Variants in LUZP2 observed in about 807,000 individuals in gnomAD.
LUZP2 encodes leucine zipper protein 2.
Under a neutral mutation model 51.6 loss-of-function variants are expected in LUZP2, and 52 were observed. That is an observed-to-expected ratio of 1.01 (90% confidence interval 0.81 to 1.27). The LOEUF (loss-of-function observed/expected upper bound fraction) is 1.27. LUZP2 is among the 50% of genes most tolerant of loss of function. LUZP2 has a pLI of 0.00. For missense variants in LUZP2, 436 were observed against 395.4 expected, an observed-to-expected ratio of 1.10 and a Z score of -0.87; for synonymous variants, 154 against 137.3, an observed-to-expected ratio of 1.12 and a Z score of -0.85.
At chr11:24,865,746 A>G (rs931848260) in intron 5 of LUZP2, among the ~76,000 whole-genome samples, 1 of 147,704 alleles carries the variant, frequency 6.8e-6, no homozygotes, top group African/African-American at 2.6e-5. Context: ...GTGTGTGTGT[A>G]TATATATTTA....
In LUZP2 at chr11:24,732,163, C is replaced by T; in HGVS notation, c.226C>T (p.Leu76Phe). 1 of 1,609,376 alleles carries T rather than the reference C, an allele frequency of 6.2e-7. No individual in the cohort carries two copies. The highest frequency in any genetic ancestry group is 1.1e-5 in the South Asian group (1 of 90,666). ...GTCTGCCAAAACTGATGTTCAGAAA[C>T]TTCTGGAATTAGGACAGAAACAAAG... Reference protein sequence around the residue: ...EQSAKTDVQKLLELGQKQREE... With the variant: ...EQSAKTDVQKFLELGQKQREE... The change falls in exon 3 of 12, where the codon CTT becomes TTT. Residue 76 changes from leucine to phenylalanine, a missense_variant. By Grantham distance (22) the Leu-to-Phe change is conservative. Coordinates refer to ENST00000336930, the MANE Select transcript of LUZP2 (RefSeq NM_001009909.4).
intron 1 of LUZP2, among the ~76,000 whole-genome samples, chr11:24,625,368 A>AAAGG (rs1287141460): frequency 6.6e-6 from 1 of 151,760 alleles, no homozygotes; most frequent in Non-Finnish European, 1.5e-5. Flanking sequence ...AAGGGAAAGG[A>AAAGG]AAGGAAGGAA....
At chr11:24,964,581 A>G (rs975233009) in intron 7 of LUZP2, among the ~76,000 whole-genome samples, 11 of 152,144 alleles carry the variant, frequency 7.2e-5, no homozygotes, top group African/African-American at 2.7e-4. Context: ...CAATCAGATA[A>G]TCTTCACTTC....
chr11:24,587,066 A>G lies in LUZP2; in HGVS notation c.62+89761A>G, dbSNP rs114025327. Among the ~76,000 whole-genome samples the G allele has an allele frequency of 4.7e-4, 71 of 152,266 alleles. 1 individual carries two copies. Among genetic ancestry groups the G allele is most frequent in the African/African-American group, 1.6e-3 (66 of 41,572 alleles). ...TGTAACACAAACAATTTTTATTATG[A>G]CTACTTTCCTTGCAGAAAATTGGCT... On this transcript the variant is annotated intron_variant, in intron 1 of 11. Transcript: ENST00000336930.
intron 1 of LUZP2, among the ~76,000 whole-genome samples, chr11:24,703,283 T>C (rs1857470692): frequency 6.6e-6 from 1 of 152,186 alleles, no homozygotes; most frequent in African/African-American, 2.4e-5. Flanking sequence ...CAACCAATGG[T>C]TGCAAAGTAC....
At chr11:24,661,228 T>C (rs974493870) in intron 1 of LUZP2, among the ~76,000 whole-genome samples, 2 of 152,176 alleles carry the variant, frequency 1.3e-5, no homozygotes, top group African/African-American at 2.4e-5. Flanking sequence ...TCTTCAGAAG[T>C]GTTCTTTTCT....
At chr11:25,070,826 C>A (rs1279764704) in intron 10 of LUZP2, among the ~76,000 whole-genome samples, 4 of 139,204 alleles carry the variant, frequency 2.9e-5, no homozygotes. Flanking sequence ...TTACTGAAGG[C>A]TAAAATTATA....
intron 1 of LUZP2, among the ~76,000 whole-genome samples, chr11:24,639,586 G>T (rs1024352645): frequency 4.6e-5 from 7 of 151,660 alleles, no homozygotes; most frequent in Non-Finnish European, 8.8e-5. Context: ...TGAGTAGATG[G>T]AATTACAGGT....
rs767021966 is a variant in LUZP2, at chr11:25,081,949, G to A, written c.*3291G>A. The A allele has an allele frequency of 2.0e-5, 3 of 152,070 alleles. No individual in the cohort carries two copies. Among genetic ancestry groups the A allele is most frequent in the Non-Finnish European group, 4.4e-5 (3 of 67,992 alleles). 9.4% of individuals were successfully genotyped at this position (152,070 alleles called of 1,614,324 possible). On this transcript the variant is annotated 3_prime_UTR_variant, in exon 12 of 12. Coordinates refer to ENST00000336930, the MANE Select transcript of LUZP2 (RefSeq NM_001009909.4). ...TAGTAATCAATGCTATGTATTTGAT[G>A]TATATGTTTCTAAATTAGAAATTTC...
intron 9 of LUZP2, among the ~76,000 whole-genome samples, chr11:25,044,253 GTGTGTA>G (rs1396101379): frequency 3.6e-3 from 113 of 31,784 alleles, no homozygotes; most frequent in East Asian, 0.016. Context: ...GTGTGTGTGT[GTGTGTA>G]TATATATATA....
chr11:24,922,806 C>G (rs1332309083), intron 7 of LUZP2, among the ~76,000 whole-genome samples: 2 of 134,368 alleles, frequency 1.5e-5, no homozygotes, highest in African/African-American at 5.4e-5. Flanking sequence ...TATGGGACTA[C>G]CAAGTGGCAC....
chr11:24,560,077 A>G (rs1851986572), intron 1 of LUZP2, among the ~76,000 whole-genome samples: 1 of 152,154 alleles, frequency 6.6e-6, no homozygotes, highest in Non-Finnish European at 1.5e-5. Flanking sequence ...TACCTATGTA[A>G]CAAACCTGCA....
At chr11:24,656,650 A>G (rs1459861250) in intron 1 of LUZP2, among the ~76,000 whole-genome samples, 1 of 152,116 alleles carries the variant, frequency 6.6e-6, no homozygotes, top group Non-Finnish European at 1.5e-5. Flanking sequence ...CTATTGTAGA[A>G]CTATGGTCCT....
At chr11:24,810,925 A>G (rs1850001629) in intron 5 of LUZP2, among the ~76,000 whole-genome samples, 1 of 152,112 alleles carries the variant, frequency 6.6e-6, no homozygotes, top group Non-Finnish European at 1.5e-5. Context: ...TGTAGCTCCT[A>G]CAGCTCCCAT....
intron 1 of LUZP2, among the ~76,000 whole-genome samples, chr11:24,716,389 A>T (rs988370875): frequency 1.3e-5 from 2 of 152,234 alleles, no homozygotes; most frequent in East Asian, 3.8e-4. Flanking sequence ...TGAAATTGAA[A>T]CATTGAAAGA....
chr11:25,008,581 A>T (rs1856899788), intron 9 of LUZP2, among the ~76,000 whole-genome samples: 1 of 152,212 alleles, frequency 6.6e-6, no homozygotes, highest in Non-Finnish European at 1.5e-5. Context: ...CCTGTTGCTC[A>T]GCAAGTGGGA....
intron 9 of LUZP2, among the ~76,000 whole-genome samples, chr11:25,022,344 A>G (rs1021388691): frequency 1.4e-4 from 22 of 152,182 alleles, no homozygotes; most frequent in African/African-American, 5.3e-4. Context: ...GTCACATGCC[A>G]CGTTCTGGCC....
rs536397335 is a variant in LUZP2 at position 24,926,492 on chromosome 11, T to C, written c.522+11954T>C. On this transcript the variant is annotated intron_variant, in intron 7 of 11. Coordinates refer to ENST00000336930, the MANE Select transcript of LUZP2 (RefSeq NM_001009909.4). Reference sequence around the variant, plus strand: ...GTGTATATATGTGTGTGTATATATATGTGTATATATGTGTGTGTATATACG... The same window carrying C: ...GTGTATATATGTGTGTGTATATATACGTGTATATATGTGTGTGTATATACG... Among the ~76,000 whole-genome samples, 174 of 94,240 alleles carry C rather than the reference T, an allele frequency of 1.8e-3. 2 individuals are homozygous for C. The highest frequency in any genetic ancestry group is 3.2e-3 in the Admixed American group (30 of 9,346). The allele number at this position is 94,240 out of a possible 152,430, so 61.8% of individuals were successfully genotyped here.
intron 5 of LUZP2, among the ~76,000 whole-genome samples, chr11:24,839,635 A>G (rs571580538): frequency 4.2e-4 from 64 of 151,784 alleles, no homozygotes; most frequent in African/African-American, 1.5e-3. Flanking sequence ...AAGCCTGATG[A>G]CTTATCTCTT....
Sources: allele counts gnomAD v4.1 joint callset (sites outside exome capture counted in the v4.1 genomes callset), GRCh38; gene constraint gnomAD v4.1.1; transcripts MANE v1.5; gene names NCBI Gene and HGNC (gene_info 2026-07-23, HGNC 2026-07-21).